The following ACOT7 variants were observed in gnomAD, a reference collection of about 807,000 sequenced individuals.
ACOT7 encodes acyl-CoA thioesterase 7, also known as cytosolic acyl coenzyme A thioester hydrolase.
In ACOT7, 12 loss-of-function variants were observed where a neutral mutation model predicts 40.2. The ratio of observed to expected loss-of-function variants is 0.30; its 90% CI spans 0.19 to 0.48. ACOT7 has a LOEUF of 0.48. Ranked by LOEUF, ACOT7 falls within the 20% of genes least tolerant of loss-of-function variation. The pLI, the probability that ACOT7 is intolerant of heterozygous loss-of-function variation, is 0.99. For missense variants in ACOT7, 395 were observed against 530.8 expected (o/e 0.74, Z 2.51); for synonymous variants, 228 against 219.5 (o/e 1.04, Z -0.34).
Position 6,369,736 on chromosome 1 carries a change from G to A in ACOT7, c.144-19870C>T, listed in dbSNP as rs534704613. Among the ~76,000 whole-genome samples, 5 of 151,606 alleles carry A rather than the reference G, an allele frequency of 3.3e-5. No individual in the cohort carries two copies. In the East Asian group the frequency reaches 7.8e-4, roughly 24 times the overall value. ...TTGGACTACAGGCGCCCACCACCAC[G>A]CCCGGCTAATTTTTTGTATTTTTTG... On this transcript the variant is annotated intron_variant, in intron 1 of 8. Transcript: ENST00000361521.
intron 1 of ACOT7, among the ~76,000 whole-genome samples, chr1:6,383,104 C>A (rs906723935): frequency 1.4e-4 from 21 of 151,320 alleles, no homozygotes; most frequent in African/African-American, 4.8e-4. Context: ...GTCTCCAACT[C>A]CTGACCTCAG....
chr1:6,272,472 CA>C (rs1639064948), intron 8 of ACOT7, among the ~76,000 whole-genome samples: 1 of 152,194 alleles, frequency 6.6e-6, no homozygotes, highest in Non-Finnish European at 1.5e-5. Context: ...TAGGCTTGGC[CA>C]TCCCCCTGGA....
Position 6,333,979 on chromosome 1 carries a change from C to T in ACOT7, c.419-411G>A, listed in dbSNP as rs1328588952. Among the ~76,000 whole-genome samples the T allele has an allele frequency of 2.6e-5, 4 of 152,194 alleles. No homozygotes were observed. In the South Asian group the frequency reaches 6.2e-4, roughly 24 times the overall value. ...CCACGTGGTTTAAGCCTGGATGGTCCGGAGCTGGTCAGCCACAACACCCAA... is the reference window on the plus strand; with the variant it reads ...CCACGTGGTTTAAGCCTGGATGGTCTGGAGCTGGTCAGCCACAACACCCAA... On this transcript the variant is annotated intron_variant, in intron 3 of 8. Coordinates refer to ENST00000361521, the MANE Select transcript of ACOT7 (RefSeq NM_007274.4).
intron 1 of ACOT7, among the ~76,000 whole-genome samples, chr1:6,384,096 T>C (rs1161333946): frequency 6.6e-6 from 1 of 151,834 alleles, no homozygotes; most frequent in African/African-American, 2.4e-5. Flanking sequence ...ATTTTCTTAA[T>C]TAAAAAATTT....
intron 6 of ACOT7, among the ~76,000 whole-genome samples, chr1:6,315,981 C>T (rs889327577): frequency 6.6e-6 from 1 of 152,108 alleles, no homozygotes; most frequent in Non-Finnish European, 1.5e-5. Context: ...TGACTTCTCC[C>T]ACTCCTGGCA....
chr1:6,382,873 T>C (rs1642364495), intron 1 of ACOT7, among the ~76,000 whole-genome samples: 1 of 149,528 alleles, frequency 6.7e-6, no homozygotes, highest in Non-Finnish European at 1.5e-5. Context: ...AAGATGGCAG[T>C]TTTTTTGTTT....
rs764714151 is a variant in ACOT7 at position 6,393,381 on chromosome 1, T to A, written c.19A>T (p.Ile7Phe). 13 of 1,231,564 alleles carry A rather than the reference T, an allele frequency of 1.1e-5. No homozygotes were observed. The South Asian group carries it at 2.4e-4, about 23-fold the overall frequency. 76.3% of individuals were successfully genotyped at this position (1,231,564 alleles called of 1,614,324 possible). The part of the protein sequence containing the change: MARPGL[I>F]HSAPGLPDTC... ...TCTGGCAGGCCCGGCGCGGAATGAA[T>A]GAGCCCGGGCCGCGCCATAAAGGGG... Residue 7 changes from isoleucine (I) to phenylalanine (F), a missense_variant, in exon 1 of 9, where the codon ATT (isoleucine) becomes TTT (phenylalanine). Coordinates refer to ENST00000361521, the MANE Select transcript of ACOT7 (RefSeq NM_007274.4).
chr1:6,373,487 G>A (rs916646315), intron 1 of ACOT7, among the ~76,000 whole-genome samples: 1 of 151,912 alleles, frequency 6.6e-6, no homozygotes, highest in Non-Finnish European at 1.5e-5. Flanking sequence ...CTGACCTCAG[G>A]TGATCCGCCT....
At position 6,288,553 on chromosome 1, in the gene ACOT7, T is replaced by G. The variant is rs916758374; in HGVS notation, c.829+6311A>C. ...GCCACGGAGGCTGTGAGCAGAGGAA[T>G]AGCAGGTCCCTAGCGTCAAAAGGCT... On this transcript the variant is annotated intron_variant, in intron 7 of 8. Coordinates refer to ENST00000361521, the MANE Select transcript of ACOT7 (RefSeq NM_007274.4). The surrounding 1 kb of genome is among the most constrained non-coding windows in gnomAD (Gnocchi z 4.3). Among the ~76,000 whole-genome samples the G allele has an allele frequency of 2.6e-5, 4 of 152,112 alleles. No homozygotes were observed. The highest frequency in any genetic ancestry group is 1.3e-4 in the Admixed American group (2 of 15,268).
rs150504440 is a variant in ACOT7 at position 6,308,977 on chromosome 1, C to T, written c.712+9515G>A. Among the ~76,000 whole-genome samples, 860 of 152,344 alleles carry T rather than the reference C, an allele frequency of 5.6e-3. 7 individuals carry two copies. Among genetic ancestry groups the T allele is most frequent in the African/African-American group, 0.02 (820 of 41,580 alleles). ...GATAGCACAGAATAGAAAACCACTA[C>T]GTCCTGGCCACTATTTTCTGCCATG... On this transcript the variant is annotated intron_variant, in intron 6 of 8. Transcript: ENST00000361521.
intron 1 of ACOT7, among the ~76,000 whole-genome samples, chr1:6,365,127 G>A (rs932957459): frequency 1.3e-5 from 2 of 152,214 alleles, no homozygotes; most frequent in African/African-American, 4.8e-5. Flanking sequence ...AGAGAACTGT[G>A]CAAGTCCATG....
chr1:6,310,011 G>A (rs533733911), intron 6 of ACOT7, among the ~76,000 whole-genome samples: 1 of 152,288 alleles, frequency 6.6e-6, no homozygotes, highest in South Asian at 2.1e-4. Context: ...GTTAGGTGAG[G>A]GCTGCCACAG....
Position 6,274,329 on chromosome 1 carries a change from C to G in ACOT7, c.1014+6773G>C, listed in dbSNP as rs1273545185. On this transcript the variant is annotated intron_variant, in intron 8 of 8. Coordinates refer to ENST00000361521, the MANE Select transcript of ACOT7 (RefSeq NM_007274.4). This position sits in a 1 kb window ranked among gnomAD's most constrained non-coding sequence, Gnocchi z 5.9. ...CTGCAGCCCCCACATCAGTGCGTCA[C>G]AAAGCTGTGGCCCTCAGCACTGCAT... Among the ~76,000 whole-genome samples the G allele has an allele frequency of 6.6e-6, 1 of 152,254 alleles. No individual in the cohort carries two copies. The highest frequency in any genetic ancestry group is 1.9e-4 in the East Asian group (1 of 5,202).
rs565095029 is a variant in ACOT7 at position 6,391,313 on chromosome 1, C to G, written c.143+1944G>C. ...CTGAGGTCAGGAGTTCGAGACCAGC[C>G]TGGCCAACATGGAGAAACCCCATCT... On this transcript the variant is annotated intron_variant, in intron 1 of 8. Transcript: ENST00000361521. Among the ~76,000 whole-genome samples, 13 of 152,158 alleles carry G rather than the reference C, an allele frequency of 8.5e-5. No homozygotes were observed. The South Asian group carries it at 2.7e-3, about 32-fold the overall frequency.
At chr1:6,385,471 C>T in intron 1 of ACOT7, 1 of 1,599,596 alleles carries the variant, frequency 6.3e-7, no homozygotes, top group Non-Finnish European at 8.5e-7. Context: ...ACCATGGGCA[C>T]AAAATATTCC....
chr1:6,371,914 G>A (rs1448812161), intron 1 of ACOT7, among the ~76,000 whole-genome samples: 3 of 151,860 alleles, frequency 2.0e-5, no homozygotes, highest in South Asian at 2.1e-4. Flanking sequence ...GTGTGGTAAC[G>A]TGCACCTGTA....
intron 8 of ACOT7, among the ~76,000 whole-genome samples, chr1:6,279,084 C>A (rs1259213365): frequency 6.6e-6 from 1 of 152,154 alleles, no homozygotes; most frequent in Non-Finnish European, 1.5e-5. Flanking sequence ...GAGACCAGAG[C>A]GGGCCCAGGT....
At chr1:6,381,438 C>T (rs1468220737) in intron 1 of ACOT7, among the ~76,000 whole-genome samples, 1 of 151,668 alleles carries the variant, frequency 6.6e-6, no homozygotes, top group East Asian at 1.9e-4. Flanking sequence ...AGACATTCAA[C>T]ATCACTAAAC....
In ACOT7 at chr1:6,393,393, G is replaced by T; in HGVS notation, c.7C>A (p.Arg3=). 2 of 1,230,292 alleles carry T rather than the reference G, an allele frequency of 1.6e-6. No individual in the cohort carries two copies. The allele number at this position is 1,230,292 out of a possible 1,614,324, so 76.2% of individuals were successfully genotyped here. ...GGCGCGGAATGAATGAGCCCGGGCCGCGCCATAAAGGGGGAGGGCAGAGGT... is the reference window on the plus strand; with the variant it reads ...GGCGCGGAATGAATGAGCCCGGGCCTCGCCATAAAGGGGGAGGGCAGAGGT... MA[R]PGLIHSAPGL... The change falls in exon 1 of 9, where the codon CGG becomes AGG. Residue 3 remains arginine, a synonymous_variant. Transcript: ENST00000361521.
Sources: gnomAD v4.1 joint callset for allele counts (sites outside exome capture counted in the v4.1 genomes callset) on GRCh38, gnomAD v4.1.1 for gene constraint, Gnocchi (gnomAD v3.1) non-coding constraint, MANE v1.5 for transcripts, NCBI Gene and HGNC (gene_info 2026-07-23, HGNC 2026-07-21) for gene names.